The following CNNM4 variants were observed in gnomAD, a reference collection of about 807,000 sequenced individuals.
The protein encoded by CNNM4 is cyclin and CBS domain divalent metal cation transport mediator 4.
Under a neutral mutation model 53.7 loss-of-function variants are expected in CNNM4, and 32 were observed. The ratio of observed to expected loss-of-function variants is 0.60; its 90% CI spans 0.45 to 0.80. The LOEUF (loss-of-function observed/expected upper bound fraction) is 0.80. Among genes scored for constraint, CNNM4 ranks in the 30% least tolerant of loss-of-function variants. The pLI, the probability that CNNM4 is intolerant of heterozygous loss-of-function variation, is 0.00. For synonymous variants in CNNM4, 410 were observed against 440.0 expected, an observed-to-expected ratio of 0.93 and a Z score of 0.85; for missense variants, 784 against 1,022.0, an observed-to-expected ratio of 0.77 and a Z score of 3.17.
In CNNM4 at chr2:96,799,772, C is replaced by T. The variant is rs2079142335; in HGVS notation, c.1948+124C>T. The T allele has an allele frequency of 5.6e-6, 5 of 885,468 alleles. No individual in the cohort carries two copies. In the South Asian group the frequency reaches 7.1e-5, roughly 13 times the overall value. The allele number at this position is 885,468 out of a possible 1,614,324, so 54.9% of individuals were successfully genotyped here. A position where few individuals can be genotyped will look rare whatever the true frequency, so the allele number is the denominator to read the frequency against. ...GCCAGCTGGCTGGGGCAGAGGGAGG[C>T]TGGTGAGGCGGGAGCCGCCAGGGCC... On this transcript the variant is annotated intron_variant, in intron 5 of 6. Transcript: ENST00000377075.
chr2:96,801,594 CCA>C lies in CNNM4; in HGVS notation c.1948+1955_1948+1956del, dbSNP rs755817726. On this transcript the variant is annotated intron_variant, in intron 5 of 6. Transcript: ENST00000377075. This position sits in a 1 kb window ranked among gnomAD's most constrained non-coding sequence, Gnocchi z 5.6. ...CAGAGATAGCACACACACAGAGAGACCACACACACAGAGACCACACACAGAGA... is the reference window on the plus strand; with the variant it reads ...CAGAGATAGCACACACACAGAGAGACCACACACAGAGACCACACACAGAGA... Among the ~76,000 whole-genome samples, 6 of 140,498 alleles carry C rather than the reference CCA, an allele frequency of 4.3e-5. No individual in the cohort carries two copies. The highest frequency in any genetic ancestry group is 1.4e-4 in the Admixed American group (2 of 13,816). The allele number at this position is 140,498 out of a possible 152,430, so 92.2% of individuals were successfully genotyped here.
In CNNM4 at chr2:96,762,197, A is replaced by G. The variant is rs775098226; in HGVS notation, c.1198A>G (p.Ile400Val). 1.2e-6 allele frequency: 2 copies of G among 1,614,176 alleles called. No individual in the cohort carries two copies. Among genetic ancestry groups the G allele is most frequent in the Non-Finnish European group, 1.7e-6 (2 of 1,180,042 alleles). ...CCTGGACTTCAACACCATGTCGGAG[A>G]TAATGGAAAGCGGCTATACTCGCAT... ...AILDFNTMSEIMESGYTRIPV... is the reference protein window; with the variant it reads ...AILDFNTMSEVMESGYTRIPV... Residue 400 changes from isoleucine to valine, a missense_variant, in exon 1 of 7, where the codon ATA becomes GTA. Coordinates refer to ENST00000377075, the MANE Select transcript of CNNM4 (RefSeq NM_020184.4).
In CNNM4 at chr2:96,810,565, A is replaced by G. The variant is rs554806901; in HGVS notation, c.*1048A>G. ...AATGACAGTCAAGGCTGACTTGTTG[A>G]CTGAAGCCTTTTTCCCAGACCCCTT... On this transcript the variant is annotated 3_prime_UTR_variant, in exon 7 of 7. Transcript: ENST00000377075. The surrounding 1 kb of genome is among the most constrained non-coding windows in gnomAD (Gnocchi z 4.1). The G allele has an allele frequency of 6.5e-6, 1 of 152,744 alleles. No homozygotes were observed. The highest frequency in any genetic ancestry group is 2.4e-5 in the African/African-American group (1 of 41,564). 9.5% of individuals were successfully genotyped at this position (152,744 alleles called of 1,614,324 possible). A position where few individuals can be genotyped will look rare whatever the true frequency, so the allele number is the denominator to read the frequency against.
rs576135573 is a variant in CNNM4, at chr2:96,792,202, C to A, written c.1403-4810C>A. ...TGGAGATTGCAGTGAGCTGAGATCA[C>A]GCCACTGCACTCCAGCCTGGGTGAC... On this transcript the variant is annotated intron_variant, in intron 1 of 6. Coordinates refer to ENST00000377075, the MANE Select transcript of CNNM4 (RefSeq NM_020184.4). Among the ~76,000 whole-genome samples the A allele has an allele frequency of 4.4e-4, 65 of 148,200 alleles. 1 individual carries two copies. In the South Asian group the frequency reaches 0.014, roughly 32 times the overall value.
Position 96,810,374 on chromosome 2 carries a change from C to G in CNNM4, c.*857C>G, listed in dbSNP as rs1374348611. 2 of 152,674 alleles carry G rather than the reference C, an allele frequency of 1.3e-5. No individual in the cohort carries two copies. The highest frequency in any genetic ancestry group is 2.9e-5 in the Non-Finnish European group (2 of 68,064). The allele number at this position is 152,674 out of a possible 1,614,324, so 9.5% of individuals were successfully genotyped here. A position where few individuals can be genotyped will look rare whatever the true frequency, so the allele number is the denominator to read the frequency against. On this transcript the variant is annotated 3_prime_UTR_variant, in exon 7 of 7. Transcript: ENST00000377075. The surrounding 1 kb of genome is among the most constrained non-coding windows in gnomAD (Gnocchi z 4.1). The stretch of plus-strand genomic sequence containing the variant: ...GCAGGGTCTCAGGCCTTTGATTGCT[C>G]ACCCCTGCTCCCCAGGCCCTGCCCT...
rs772023576 is a variant in CNNM4, at chr2:96,762,333, A to G, written c.1334A>G (p.Tyr445Cys). The G allele has an allele frequency of 3.7e-6, 6 of 1,614,040 alleles. No individual in the cohort carries two copies. Among genetic ancestry groups the G allele is most frequent in the South Asian group, 2.2e-5 (2 of 91,082 alleles). The part of the protein sequence containing the change: ...CTPLKTITRF[Y>C]NHPVHFVFHD... ...CCCCTCAAGACTATCACTCGCTTCT[A>G]TAACCACCCGGTGCACTTTGTCTTC... The change falls in exon 1 of 7, where the codon TAT becomes TGT. Residue 445 changes from tyrosine to cysteine, a missense_variant. By Grantham distance (194) the Tyr-to-Cys change is radical. Coordinates refer to ENST00000377075, the MANE Select transcript of CNNM4 (RefSeq NM_020184.4).
rs1366603910 is a variant in CNNM4 at position 96,761,113 on chromosome 2, G to C, written c.114G>C (p.Gln38His). ...TGTGGGCGCTGGGGGCCCGGGGCCA[G>C]GGCAGCCCCCAGCAGGGCACGATCG... ...VLLWALGARG[Q>H]GSPQQGTIVG... The change falls in exon 1 of 7, where the codon CAG becomes CAC. Residue 38 changes from glutamine (Q) to histidine (H), a missense_variant. Around this residue, in one of 3 missense-constraint regions of CNNM4, gnomAD observed 473 missense variants for 624.6 expected, o/e 0.76. Coordinates refer to ENST00000377075, the MANE Select transcript of CNNM4 (RefSeq NM_020184.4). This position sits in a 1 kb window ranked among gnomAD's most constrained non-coding sequence, Gnocchi z 6.0. 6.4e-7 allele frequency: 1 copy of C among 1,570,222 alleles called. No individual in the cohort carries two copies. Among genetic ancestry groups the C allele is most frequent in the African/African-American group, 1.3e-5 (1 of 74,218 alleles).
At chr2:96,774,838 G>A (rs916972620) in intron 1 of CNNM4, among the ~76,000 whole-genome samples, 2 of 151,664 alleles carry the variant, frequency 1.3e-5, no homozygotes, top group Admixed American at 6.6e-5. Context: ...ATGTGTGCCT[G>A]TACTCCCAGC....
chr2:96,772,569 A>G (rs1574057587), intron 1 of CNNM4, among the ~76,000 whole-genome samples: 1 of 99,956 alleles, frequency 1.0e-5, no homozygotes, highest in Admixed American at 1.3e-4. Context: ...ACACACTCAT[A>G]CCCCCACATA....
intron 5 of CNNM4, among the ~76,000 whole-genome samples, chr2:96,802,398 G>A (rs1033391041): frequency 3.9e-5 from 6 of 152,230 alleles, no homozygotes; most frequent in African/African-American, 7.2e-5. Context: ...CCCACACACC[G>A]TGTCAGGGTG....
intron 1 of CNNM4, among the ~76,000 whole-genome samples, chr2:96,793,542 G>A (rs755502403): frequency 1.5e-4 from 23 of 152,214 alleles, no homozygotes; most frequent in Non-Finnish European, 3.1e-4. Flanking sequence ...GCCACCCGAG[G>A]GTGCACACAC....
chr2:96,811,785 CTT>C lies in CNNM4; in HGVS notation c.*2269_*2270del, dbSNP rs1180352972. ...CTCGGGGAGTTTTGTTGTTATGACT[CTT>C]GTGTCTTTTGTCACAAAACAATGAT... On this transcript the variant is annotated 3_prime_UTR_variant, in exon 7 of 7. Coordinates refer to ENST00000377075, the MANE Select transcript of CNNM4 (RefSeq NM_020184.4). 7 of 152,490 alleles carry C rather than the reference CTT, an allele frequency of 4.6e-5. No individual in the cohort carries two copies. The highest frequency in any genetic ancestry group is 8.8e-5 in the Non-Finnish European group (6 of 67,996). 9.4% of individuals were successfully genotyped at this position (152,490 alleles called of 1,614,324 possible).
chr2:96,786,154 C>T (rs1167964906), intron 1 of CNNM4, among the ~76,000 whole-genome samples: 1 of 151,712 alleles, frequency 6.6e-6, no homozygotes, highest in Non-Finnish European at 1.5e-5. Flanking sequence ...CGGCAGCTCA[C>T]GTCTGTAATC....
intron 1 of CNNM4, among the ~76,000 whole-genome samples, chr2:96,769,136 A>G (rs1354837401): frequency 1.3e-5 from 2 of 152,148 alleles, no homozygotes; most frequent in Non-Finnish European, 2.9e-5. Flanking sequence ...CTGTAGTCCC[A>G]GCTACTCGGG....
chr2:96,783,510 C>A (rs2078991534), intron 1 of CNNM4, among the ~76,000 whole-genome samples: 2 of 152,176 alleles, frequency 1.3e-5, no homozygotes, highest in Admixed American at 1.3e-4. Context: ...CAGCAGATGG[C>A]TCAAGTTCCT....
intron 1 of CNNM4, among the ~76,000 whole-genome samples, chr2:96,789,995 G>A (rs1358015306): frequency 4.3e-5 from 5 of 116,902 alleles, no homozygotes; most frequent in African/African-American, 6.7e-5. Flanking sequence ...CAACACACCC[G>A]GGCTAGAATT....
intron 1 of CNNM4, among the ~76,000 whole-genome samples, chr2:96,781,223 C>T (rs1212168481): frequency 6.6e-6 from 1 of 152,010 alleles, no homozygotes; most frequent in Non-Finnish European, 1.5e-5. Context: ...TCGTGATCCA[C>T]CTGCCTCAGC....
intron 1 of CNNM4, among the ~76,000 whole-genome samples, chr2:96,763,164 G>A (rs1463748734): frequency 6.6e-6 from 1 of 152,170 alleles, no homozygotes; most frequent in Non-Finnish European, 1.5e-5. Flanking sequence ...TAATTGTGGC[G>A]CCAGCGTAAG....
chr2:96,765,825 G>A (rs547708345), intron 1 of CNNM4, among the ~76,000 whole-genome samples: 7 of 140,924 alleles, frequency 5.0e-5, no homozygotes, highest in South Asian at 4.4e-4. Flanking sequence ...ACGGAGTTTC[G>A]CTCTCATTGC....
Sources: gnomAD v4.1 joint callset for allele counts (sites outside exome capture counted in the v4.1 genomes callset) on GRCh38, gnomAD v4.1.1 for gene constraint, gnomAD v4.1.1 regional missense constraint, Gnocchi (gnomAD v3.1) non-coding constraint, MANE v1.5 for transcripts, NCBI Gene and HGNC (gene_info 2026-07-23, HGNC 2026-07-21) for gene names.